SLC20A2: variants seen among roughly 807,000 people sequenced by gnomAD.
The protein encoded by SLC20A2 is sodium-dependent phosphate transporter 2.
Under a neutral mutation model 61.0 loss-of-function variants are expected in SLC20A2, and 30 were observed. The ratio of observed to expected loss-of-function variants is 0.49; its 90% confidence interval spans 0.37 to 0.67. The LOEUF (loss-of-function observed/expected upper bound fraction) is 0.67, where lower values mean the gene tolerates loss of function less well. Ranked by LOEUF, SLC20A2 falls within the 30% of genes least tolerant of loss-of-function variation. The pLI is 0.00. For missense variants in SLC20A2, 626 were observed against 866.4 expected, an observed-to-expected ratio of 0.72 and a Z score of 3.48; for synonymous variants, 351 against 353.3, an observed-to-expected ratio of 0.99 and a Z score of 0.07.
intron 1 of SLC20A2, among the ~76,000 whole-genome samples, chr8:42,499,886 T>G (rs745447253): frequency 6.6e-6 from 1 of 152,226 alleles, no homozygotes; most frequent in Non-Finnish European, 1.5e-5. Flanking sequence ...TTTCTAAAAA[T>G]AGCCCAAGAA....
chr8:42,461,614 C>T (rs1806707104), intron 4 of SLC20A2, among the ~76,000 whole-genome samples: 1 of 152,112 alleles, frequency 6.6e-6, no homozygotes, highest in Non-Finnish European at 1.5e-5. Context: ...CCATGCCGGG[C>T]TAACTTTTTG....
At position 42,416,950 on chromosome 8, in the gene SLC20A2, G is replaced by C. The variant is rs1023661606; in HGVS notation, c.*853C>G. 2.0e-5 allele frequency: 3 copies of C among 152,786 alleles called. No homozygotes were observed. The highest frequency in any genetic ancestry group is 4.4e-5 in the Non-Finnish European group (3 of 68,112). The allele number at this position is 152,786 out of a possible 1,614,324, so 9.5% of individuals were successfully genotyped here. On this transcript the variant is annotated 3_prime_UTR_variant, in exon 11 of 11. Transcript: ENST00000520262. ...CACTGCAAGGTGGGTGGGATCTGGG[G>C]TGTGGTGGCGGTGGCACTGCTGGTG...
At position 42,465,683 on chromosome 8, in the gene SLC20A2, C is replaced by T. The variant is rs548674931; in HGVS notation, c.430+94G>A. On this transcript the variant is annotated intron_variant, in intron 3 of 10. Coordinates refer to ENST00000520262, the MANE Select transcript of SLC20A2 (RefSeq NM_001257180.2). ...TCCAGCCTGGCAACAGAGTGACACT[C>T]CGGGTCAAAAAAAAAAAAAAAGTAA... The T allele has an allele frequency of 1.4e-4, 179 of 1,253,442 alleles. No individual in the cohort carries two copies. In the South Asian group the frequency reaches 1.7e-3, roughly 12 times the overall value. 77.6% of individuals were successfully genotyped at this position (1,253,442 alleles called of 1,614,324 possible).
At chr8:42,502,674 G>T, upstream of SLC20A2, 1 of 152,380 alleles carries the variant, frequency 6.6e-6, no homozygotes. Context: ...TCTGCAAGAG[G>T]GTGGCTGGTA....
At chr8:42,527,976 T>G (rs1271080285) in intron 1 of SLC20A2, among the ~76,000 whole-genome samples, 2 of 152,206 alleles carry the variant, frequency 1.3e-5, no homozygotes, top group African/African-American at 4.8e-5. Context: ...CTCTGGGTGG[T>G]AGAACTACTA....
chr8:42,487,176 CTTTTTTTT>C (rs553949254), intron 1 of SLC20A2, among the ~76,000 whole-genome samples: 1 of 98,084 alleles, frequency 1.0e-5, no homozygotes, highest in Admixed American at 1.1e-4. Context: ...TGGTTTCTTT[CTTTTTTTT>C]TTTTTTTTTT....
intron 5 of SLC20A2, among the ~76,000 whole-genome samples, chr8:42,459,252 A>AT (rs1806505595): frequency 1.3e-5 from 2 of 151,282 alleles, no homozygotes; most frequent in African/African-American, 4.9e-5. Flanking sequence ...AAAAAAAAAA[A>AT]AAAAAAACAT....
intron 1 of SLC20A2, among the ~76,000 whole-genome samples, chr8:42,484,022 T>C (rs1808755703): frequency 6.6e-6 from 1 of 152,230 alleles, no homozygotes; most frequent in Non-Finnish European, 1.5e-5. Context: ...AACATTAATA[T>C]AAACAGAGGA....
intron 1 of SLC20A2, among the ~76,000 whole-genome samples, chr8:42,537,170 G>A (rs1048461836): frequency 7.2e-5 from 11 of 151,950 alleles, no homozygotes; most frequent in African/African-American, 2.7e-4. Context: ...GGTTGTTTGA[G>A]CCCAGGAGTT....
intron 5 of SLC20A2, among the ~76,000 whole-genome samples, chr8:42,455,235 A>ATATAT (rs1425581278): frequency 3.9e-4 from 41 of 104,038 alleles, no homozygotes; most frequent in African/African-American, 6.6e-4. Flanking sequence ...AAAAAAAAAA[A>ATATAT]AAAAAAATAT....
chr8:42,472,747 G>C lies in SLC20A2; in HGVS notation c.-264-93C>G, dbSNP rs980587586. 1 of 189,684 alleles carries C rather than the reference G, an allele frequency of 5.3e-6. No individual in the cohort carries two copies. Among genetic ancestry groups the C allele is most frequent in the African/African-American group, 2.4e-5 (1 of 42,384 alleles). The allele number at this position is 189,684 out of a possible 1,614,324, so 11.8% of individuals were successfully genotyped here. ...AATAAATGTTTTAAGCCTGCTAATG[G>C]GATCTAACTTTGGCATGTGACGGAC... On this transcript the variant is annotated intron_variant, in intron 1 of 10. Transcript: ENST00000520262. The surrounding 1 kb of genome is among the most constrained non-coding windows in gnomAD (Gnocchi z 4.1).
Position 42,437,488 on chromosome 8 carries a change from G to A in SLC20A2, c.1024C>T (p.His342Tyr). ...TCTTTGTGCACGGTGTGGTACACAT[G>A]ACCGTCGCTCCTGGTGTGGCCGTCG... ...GFDGHTRSDG[H>Y]VYHTVHKDSG... is the part of the protein sequence containing the mutation. Residue 342 changes from histidine to tyrosine, a missense_variant, in exon 8 of 11, where the codon CAT becomes TAT. By Grantham distance (83) the His-to-Tyr change is moderately conservative. Around this residue, in one of 3 missense-constraint regions of SLC20A2, gnomAD observed 361 missense variants for 422.3 expected, o/e 0.85. Coordinates refer to ENST00000520262, the MANE Select transcript of SLC20A2 (RefSeq NM_001257180.2). The surrounding 1 kb of genome is among the most constrained non-coding windows in gnomAD (Gnocchi z 6.4). The A allele has an allele frequency of 6.2e-7, 1 of 1,614,136 alleles. No individual in the cohort carries two copies. Among genetic ancestry groups the A allele is most frequent in the Non-Finnish European group, 8.5e-7 (1 of 1,180,032 alleles).
At chr8:42,450,399 T>C (rs908044070) in intron 5 of SLC20A2, among the ~76,000 whole-genome samples, 4 of 152,000 alleles carry the variant, frequency 2.6e-5, no homozygotes, top group Admixed American at 1.3e-4. Context: ...AGCTAATTTT[T>C]GTATTTTTAG....
At chr8:42,504,765 G>C (rs945874141), upstream of SLC20A2, among the ~76,000 whole-genome samples, 4 of 137,562 alleles carry the variant, frequency 2.9e-5, no homozygotes, top group Admixed American at 8.2e-5. Flanking sequence ...GAATCCACTT[G>C]AACTTGGGAG....
intron 6 of SLC20A2, among the ~76,000 whole-genome samples, chr8:42,443,185 T>C (rs1804911240): frequency 6.8e-6 from 1 of 146,758 alleles, no homozygotes; most frequent in Admixed American, 6.9e-5. Context: ...TATTATACTA[T>C]ACAGTTATTG....
intron 1 of SLC20A2, among the ~76,000 whole-genome samples, chr8:42,526,188 G>A (rs1176004242): frequency 1.3e-5 from 2 of 152,124 alleles, no homozygotes; most frequent in Non-Finnish European, 2.9e-5. Context: ...CATGTTGACT[G>A]TATATACCTC....
intron 1 of SLC20A2, among the ~76,000 whole-genome samples, chr8:42,500,251 G>A (rs906489753): frequency 5.9e-5 from 9 of 152,240 alleles, no homozygotes; most frequent in African/African-American, 2.2e-4. Context: ...TGTTTGGCTT[G>A]AGGTCAGTCC....
chr8:42,419,008 CAAAAAAA>C (rs778981433), intron 10 of SLC20A2, among the ~76,000 whole-genome samples: 6 of 64,202 alleles, frequency 9.3e-5, no homozygotes, highest in Admixed American at 1.9e-4. Context: ...GACTCTGTCT[CAAAAAAA>C]AAAAAAAAAA....
intron 1 of SLC20A2, among the ~76,000 whole-genome samples, chr8:42,526,355 TAA>T (rs767614361): frequency 5.5e-5 from 8 of 145,014 alleles, no homozygotes; most frequent in Admixed American, 6.9e-5. Flanking sequence ...CAAGGTCATT[TAA>T]AAAAAAAAAA....
Sources: gnomAD v4.1 joint callset for allele counts (sites outside exome capture counted in the v4.1 genomes callset) on GRCh38, gnomAD v4.1.1 for gene constraint, gnomAD v4.1.1 regional missense constraint, Gnocchi (gnomAD v3.1) non-coding constraint, MANE v1.5 for transcripts, NCBI Gene and HGNC (gene_info 2026-07-23, HGNC 2026-07-21) for gene names.